The following DPP6 variants were observed in gnomAD, a reference collection of about 807,000 sequenced individuals.
DPP6 encodes dipeptidyl peptidase like 6.
DPP6 carries 69 observed loss-of-function variants against 122.6 expected under a neutral mutation model. That is an observed-to-expected ratio of 0.56 (90% CI 0.46 to 0.69). The LOEUF is 0.69. Among genes scored for constraint, DPP6 ranks in the 30% least tolerant of loss-of-function variants. The pLI is 0.00. For synonymous variants in DPP6, 418 were observed against 433.1 expected (o/e 0.97, Z 0.43); for missense variants, 928 against 1,116.9 (o/e 0.83, Z 2.41).
At chr7:154,669,944 C>T (rs1838451708) in intron 7 of DPP6, among the ~76,000 whole-genome samples, 3 of 152,138 alleles carry the variant, frequency 2.0e-5, no homozygotes, top group African/African-American at 7.2e-5. Flanking sequence ...ACTGCAACCT[C>T]CACCTCCTGT....
Position 154,546,780 on chromosome 7 carries a change from A to T in DPP6, c.552+6154A>T, listed in dbSNP as rs185440297. On this transcript the variant is annotated intron_variant, in intron 4 of 25. Coordinates refer to ENST00000377770, the MANE Select transcript of DPP6 (RefSeq NM_130797.4). ...ACCCATTCCAAAATAAGAAGAACAA[A>T]TAATAGGCCTGTTTGTACTACCAGA... Among the ~76,000 whole-genome samples, 9 of 152,378 alleles carry T rather than the reference A, an allele frequency of 5.9e-5. No individual in the cohort carries two copies. The East Asian group carries it at 1.5e-3, about 26-fold the overall frequency.
At chr7:154,532,763 T>A (rs1827946091) in intron 3 of DPP6, among the ~76,000 whole-genome samples, 1 of 151,918 alleles carries the variant, frequency 6.6e-6, no homozygotes, top group South Asian at 2.1e-4. Flanking sequence ...AAATAAATAA[T>A]TTATTTTTAA....
intron 1 of DPP6, among the ~76,000 whole-genome samples, chr7:154,060,652 CCA>C (rs1801663592): frequency 1.3e-5 from 2 of 148,238 alleles, no homozygotes; most frequent in South Asian, 2.2e-4. Flanking sequence ...GAGGCACCCC[CCA>C]CGAGAGTGGC....
chr7:154,807,382 G>T (rs1392194735), intron 16 of DPP6, among the ~76,000 whole-genome samples: 6 of 152,164 alleles, frequency 3.9e-5, no homozygotes, highest in Non-Finnish European at 4.4e-5. Context: ...TAATCTCTCA[G>T]TTTGTCTCCC....
chr7:153,877,416 C>T, the DPP6 span, among the ~76,000 whole-genome samples: 2 of 152,058 alleles, frequency 1.3e-5, no homozygotes, highest in African/African-American at 4.8e-5. Context: ...ATGTACCATA[C>T]ATAATTGTAT....
chr7:154,108,644 C>T (rs11761482), intron 1 of DPP6, among the ~76,000 whole-genome samples: 27,752 of 152,160 alleles, frequency 0.18, 3,116 homozygotes, highest in Admixed American at 0.3. Context: ...ACACAGGCTG[C>T]AGAGCATCCA....
At chr7:154,729,836 A>G (rs1842248955) in intron 8 of DPP6, among the ~76,000 whole-genome samples, 1 of 152,178 alleles carries the variant, frequency 6.6e-6, no homozygotes, top group African/African-American at 2.4e-5. Context: ...CTGAGATTTT[A>G]TTGTCACATG....
intron 1 of DPP6, among the ~76,000 whole-genome samples, chr7:154,377,655 C>G (rs1813241249): frequency 6.6e-6 from 1 of 152,180 alleles, no homozygotes; most frequent in South Asian, 2.1e-4. Flanking sequence ...TCCTGCTTCA[C>G]TGTGGTAAGA....
intron 1 of DPP6, among the ~76,000 whole-genome samples, chr7:154,372,906 C>T (rs888782595): frequency 1.3e-5 from 2 of 152,172 alleles, no homozygotes; most frequent in Non-Finnish European, 2.9e-5. Flanking sequence ...AGGCTGAGGC[C>T]TTTGCAGACA....
intron 1 of DPP6, among the ~76,000 whole-genome samples, chr7:154,063,515 C>T (rs111292956): frequency 0.07 from 7,914 of 113,360 alleles, 928 homozygotes; most frequent in East Asian, 0.19. Context: ...AGACCCCCAT[C>T]GCAGGAGGGG....
At chr7:154,546,971 CAG>C (rs1389961068) in intron 4 of DPP6, among the ~76,000 whole-genome samples, 9 of 152,244 alleles carry the variant, frequency 5.9e-5, no homozygotes, top group Admixed American at 4.6e-4. Context: ...AGCCCTGAAA[CAG>C]GGTAAATTTG....
chr7:154,062,738 G>A (rs1435970583), intron 1 of DPP6, among the ~76,000 whole-genome samples: 1 of 66,930 alleles, frequency 1.5e-5, no homozygotes, highest in Non-Finnish European at 2.7e-5. Context: ...GGGGGGGGAG[G>A]CACCCTCCGC....
At chr7:153,873,743 A>G in the DPP6 span, among the ~76,000 whole-genome samples, 1 of 152,226 alleles carries the variant, frequency 6.6e-6, no homozygotes, top group Admixed American at 6.5e-5. Flanking sequence ...CAAATCCGCT[A>G]TCAGGAACAT....
At position 154,784,827 on chromosome 7, in the gene DPP6, A is replaced by G. The variant is rs188189091; in HGVS notation, c.1137-9252A>G. On this transcript the variant is annotated intron_variant, in intron 10 of 25. Transcript: ENST00000377770. ...CGTCTAATCTGACCTTGCCACCTTC[A>G]TGAAGACTTAATCATTCCCATCCCC... Among the ~76,000 whole-genome samples, 31 of 152,350 alleles carry G rather than the reference A, an allele frequency of 2.0e-4. No homozygotes were observed. The East Asian group carries it at 5.6e-3, about 27-fold the overall frequency.
chr7:153,910,615 A>G (rs1028948270), intron 1 of DPP6, among the ~76,000 whole-genome samples: 12 of 152,032 alleles, frequency 7.9e-5, no homozygotes, highest in East Asian at 1.9e-4. Context: ...TTTTACACCA[A>G]ATTTCCCCCA....
intron 1 of DPP6, among the ~76,000 whole-genome samples, chr7:154,343,249 A>G (rs1810086028): frequency 6.6e-6 from 1 of 152,208 alleles, no homozygotes; most frequent in Non-Finnish European, 1.5e-5. Flanking sequence ...GAGAAAACCA[A>G]GATTCTGAAG....
chr7:153,887,173 T>A (rs1798961662), exon 1 of DPP6: 1 of 152,460 alleles, frequency 6.6e-6, no homozygotes, highest in African/African-American at 2.4e-5. Context: ...GCCGGGTCCC[T>A]GCCCTTAGGG....
chr7:154,218,196 A>G (rs1282041110), intron 1 of DPP6, among the ~76,000 whole-genome samples: 1 of 152,140 alleles, frequency 6.6e-6, no homozygotes, highest in African/African-American at 2.4e-5. Flanking sequence ...TAAAGCAGCC[A>G]TTAGACCATT....
intron 1 of DPP6, among the ~76,000 whole-genome samples, chr7:154,011,058 C>G (rs1798131534): frequency 6.6e-6 from 1 of 152,158 alleles, no homozygotes; most frequent in South Asian, 2.1e-4. Flanking sequence ...GCAGGATAAC[C>G]TTTAACATAA....
Sources: gnomAD v4.1 joint callset for allele counts (sites outside exome capture counted in the v4.1 genomes callset) on GRCh38, gnomAD v4.1.1 for gene constraint, MANE v1.5 for transcripts, NCBI Gene and HGNC (gene_info 2026-07-23, HGNC 2026-07-21) for gene names.